The following AGBL4 variants were observed in gnomAD, a reference collection of about 807,000 sequenced individuals.
AGBL4 encodes the protein cytosolic carboxypeptidase 6.
AGBL4 carries 58 observed loss-of-function variants against 66.4 expected under a neutral mutation model. The ratio of observed to expected loss-of-function variants is 0.87; its 90% confidence interval spans 0.71 to 1.09. The LOEUF (loss-of-function observed/expected upper bound fraction) is 1.09. Ranked by LOEUF, AGBL4 falls within the 50% of genes least tolerant of loss-of-function variation. The pLI is 0.00. For synonymous variants in AGBL4, 234 were observed against 222.9 expected (o/e 1.05, Z -0.44); for missense variants, 579 against 631.0 (o/e 0.92, Z 0.88).
chr1:49,618,625 G>C (rs976796343), intron 3 of AGBL4, among the ~76,000 whole-genome samples: 1 of 152,116 alleles, frequency 6.6e-6, no homozygotes, highest in South Asian at 2.1e-4. Context: ...TATGAGGCCA[G>C]CATCATCCTG....
intron 6 of AGBL4, among the ~76,000 whole-genome samples, chr1:48,821,100 A>G (rs1646302459): frequency 6.6e-6 from 1 of 152,200 alleles, no homozygotes; most frequent in Non-Finnish European, 1.5e-5. Flanking sequence ...AAGCAAAACA[A>G]CAACAGATAT....
intron 5 of AGBL4, among the ~76,000 whole-genome samples, chr1:48,901,545 G>A (rs1252260587): frequency 2.0e-5 from 3 of 152,100 alleles, no homozygotes; most frequent in Admixed American, 6.6e-5. Context: ...CAATAAAAAC[G>A]AATGACCCAC....
At chr1:48,721,747 A>T (rs1218981430) in intron 6 of AGBL4, among the ~76,000 whole-genome samples, 1 of 152,206 alleles carries the variant, frequency 6.6e-6, no homozygotes, top group Non-Finnish European at 1.5e-5. Context: ...TCTTTCCAGC[A>T]CTGGGACTGA....
chr1:49,581,515 G>T, intron 3 of AGBL4, among the ~76,000 whole-genome samples: 1 of 152,172 alleles, frequency 6.6e-6, no homozygotes, highest in East Asian at 1.9e-4. Flanking sequence ...TCTTGAAGGT[G>T]TGACTATGAT....
intron 3 of AGBL4, among the ~76,000 whole-genome samples, chr1:49,620,885 G>A (rs1285753121): frequency 6.7e-6 from 1 of 149,970 alleles, no homozygotes; most frequent in African/African-American, 2.5e-5. Context: ...AAAATTACTT[G>A]ATTAAGTTAT....
chr1:48,806,519 C>T (rs1323111964), intron 6 of AGBL4, among the ~76,000 whole-genome samples: 1 of 152,150 alleles, frequency 6.6e-6, no homozygotes, highest in African/African-American at 2.4e-5. Flanking sequence ...TTTCTTCTGC[C>T]CTCAGATATT....
In AGBL4 at chr1:48,898,908, C is replaced by A. The variant is rs994175446; in HGVS notation, c.595-31678G>T. 5.3e-5 allele frequency among the ~76,000 whole-genome samples: 8 copies of A among 152,316 alleles called. No individual in the cohort carries two copies. In the East Asian group the frequency reaches 1.5e-3, roughly 29 times the overall value. ...CGTCGCTCTCCAGGTACACGCCCCC[C>A]GTCAAAGGCGGCTCTAAGGTCCTCT... On this transcript the variant is annotated intron_variant, in intron 5 of 13. Coordinates refer to ENST00000371839, the MANE Select transcript of AGBL4 (RefSeq NM_032785.4).
chr1:49,217,987 A>T (rs1193072536), intron 4 of AGBL4, among the ~76,000 whole-genome samples: 1 of 152,090 alleles, frequency 6.6e-6, no homozygotes, highest in Non-Finnish European at 1.5e-5. Flanking sequence ...CTTATAAGGG[A>T]ATTCAATCCT....
chr1:48,989,637 C>T (rs940803284), intron 5 of AGBL4, among the ~76,000 whole-genome samples: 3 of 152,116 alleles, frequency 2.0e-5, no homozygotes, highest in Non-Finnish European at 4.4e-5. Context: ...GTTTGTCATT[C>T]GGTGCCTGGC....
In AGBL4 at chr1:48,696,649, G is replaced by A. The variant is rs374541496; in HGVS notation, c.635-33408C>T. Among the ~76,000 whole-genome samples the A allele has an allele frequency of 1.2e-3, 178 of 152,252 alleles. 2 individuals are homozygous for A. The South Asian group carries it at 0.034, about 29-fold the overall frequency. On this transcript the variant is annotated intron_variant, in intron 6 of 13. Transcript: ENST00000371839. ...CAACTGCTTGCTCACTTGAAAAGCG[G>A]GACACAGGACTGAGGAGATGCAAAT...
chr1:49,536,730 GA>G (rs1651616995), intron 3 of AGBL4, among the ~76,000 whole-genome samples: 1 of 152,238 alleles, frequency 6.6e-6, no homozygotes, highest in Admixed American at 6.5e-5. Context: ...ACAGAATAGA[GA>G]ACCCAGAAAT....
chr1:48,695,249 C>A (rs547177727), intron 6 of AGBL4, among the ~76,000 whole-genome samples: 1 of 152,174 alleles, frequency 6.6e-6, no homozygotes, highest in Non-Finnish European at 1.5e-5. Flanking sequence ...GTTCCTAGTT[C>A]CCCAGCTGGT....
At chr1:49,491,240 A>G (rs12402477) in intron 3 of AGBL4, among the ~76,000 whole-genome samples, 64,525 of 151,556 alleles carry the variant, frequency 0.43, 16,395 homozygotes, top group Non-Finnish European at 0.57. Context: ...CTTTACAAGT[A>G]CCTCCCACAT....
At chr1:48,738,731 T>C (rs1300928938) in intron 6 of AGBL4, among the ~76,000 whole-genome samples, 1 of 152,240 alleles carries the variant, frequency 6.6e-6, no homozygotes, top group Admixed American at 6.5e-5. Flanking sequence ...CTGTGATCTT[T>C]TAATTTGTTA....
intron 6 of AGBL4, among the ~76,000 whole-genome samples, chr1:48,819,850 T>C (rs919562407): frequency 1.3e-5 from 2 of 152,184 alleles, no homozygotes; most frequent in African/African-American, 2.4e-5. Context: ...CATCCAGTGA[T>C]GGGGATCTTG....
chr1:49,883,490 G>T (rs1341206208), intron 1 of AGBL4, among the ~76,000 whole-genome samples: 1 of 151,930 alleles, frequency 6.6e-6, no homozygotes, highest in African/African-American at 2.4e-5. Flanking sequence ...TAGTGATTAT[G>T]GTTTCTCATC....
chr1:48,845,926 A>G (rs529661330), intron 6 of AGBL4, among the ~76,000 whole-genome samples: 3 of 152,216 alleles, frequency 2.0e-5, no homozygotes, highest in Non-Finnish European at 4.4e-5. Flanking sequence ...AGTGCCTGGC[A>G]TGTAGGTACT....
At chr1:48,529,788 C>T (rs1265272700), downstream of AGBL4, among the ~76,000 whole-genome samples, 2 of 152,078 alleles carry the variant, frequency 1.3e-5, no homozygotes, top group African/African-American at 4.8e-5. Flanking sequence ...GAGAGTGTCA[C>T]GATGGGTCCA....
At chr1:49,197,585 C>T (rs191198872) in intron 4 of AGBL4, among the ~76,000 whole-genome samples, 10 of 152,296 alleles carry the variant, frequency 6.6e-5, no homozygotes, top group African/African-American at 2.2e-4. Flanking sequence ...GGCCTTTAAG[C>T]CAGGCAGTTG....
Sources: gnomAD v4.1 joint callset for allele counts (sites outside exome capture counted in the v4.1 genomes callset) on GRCh38, gnomAD v4.1.1 for gene constraint, MANE v1.5 for transcripts, NCBI Gene and HGNC (gene_info 2026-07-23, HGNC 2026-07-21) for gene names.